Variants in SETD3 observed in about 807,000 individuals in gnomAD.
The protein encoded by SETD3 is actin-histidine N-methyltransferase.
In SETD3, 19 loss-of-function variants were observed where a neutral mutation model predicts 63.0. That is an observed-to-expected ratio of 0.30 (90% CI 0.21 to 0.44). The LOEUF (loss-of-function observed/expected upper bound fraction) is 0.44, where lower values mean the gene tolerates loss of function less well. Among genes scored for constraint, SETD3 ranks in the 20% least tolerant of loss-of-function variants. The pLI is 1.00. For missense variants in SETD3, 587 were observed against 728.5 expected, an observed-to-expected ratio of 0.81 and a Z score of 2.24; for synonymous variants, 286 against 264.1, an observed-to-expected ratio of 1.08 and a Z score of -0.80.
At chr14:99,409,705 T>C (rs1891872930) in intron 8 of SETD3, 1 of 149,342 alleles carries the variant, frequency 6.7e-6, no homozygotes, top group South Asian at 2.2e-4. Flanking sequence ...CAAATATGTA[T>C]TATATTGATT....
chr14:99,423,587 G>GAAAAA (rs1892704603), intron 6 of SETD3, among the ~76,000 whole-genome samples: 1 of 1,894 alleles, frequency 5.3e-4, no homozygotes, highest in African/African-American at 9.5e-4. Context: ...GCACTGTTAT[G>GAAAAA]CAAAAAAAAA....
At chr14:99,433,923 T>C (rs925066988) in intron 6 of SETD3, among the ~76,000 whole-genome samples, 2 of 151,942 alleles carry the variant, frequency 1.3e-5, no homozygotes, top group Non-Finnish European at 2.9e-5. Flanking sequence ...AATGAGGGAG[T>C]AGAGCAACTA....
intron 8 of SETD3, chr14:99,409,742 T>C (rs925609580): frequency 6.6e-6 from 1 of 152,624 alleles, no homozygotes; most frequent in Non-Finnish European, 1.5e-5. Context: ...GATAAAGTAA[T>C]ACAGGCTCAT....
At chr14:99,484,119 A>G (rs992489798), upstream of SETD3, among the ~76,000 whole-genome samples, 15 of 152,258 alleles carry the variant, frequency 9.9e-5, no homozygotes, top group African/African-American at 3.6e-4. Flanking sequence ...AAGTGGTTCT[A>G]GGATGTAACA....
chr14:99,399,130 A>T lies in SETD3; in HGVS notation c.1339-5T>A, dbSNP rs1891241063. 5.6e-6 allele frequency: 9 copies of T among 1,611,246 alleles called. No individual in the cohort carries two copies. The highest frequency in any genetic ancestry group is 1.3e-5 in the African/African-American group (1 of 74,678). On this transcript the variant is annotated splice_region_variant and splice_polypyrimidine_tract_variant and intron_variant, in intron 12 of 12. Transcript: ENST00000331768. ...TTTCAAGACGGATTTATCTTCCTGG[A>T]AAACAAGAGCAAAATTAATTACAAG...
chr14:99,422,305 T>C (rs1238482803), intron 6 of SETD3, among the ~76,000 whole-genome samples: 1 of 152,222 alleles, frequency 6.6e-6, no homozygotes, highest in African/African-American at 2.4e-5. Context: ...AATTCTATCA[T>C]TTTTCTGATA....
intron 6 of SETD3, among the ~76,000 whole-genome samples, chr14:99,439,234 A>G (rs1157494482): frequency 6.6e-6 from 1 of 152,216 alleles, no homozygotes; most frequent in Non-Finnish European, 1.5e-5. Flanking sequence ...TCTGAGAGGC[A>G]AAGGCTGCTC....
intron 6 of SETD3, among the ~76,000 whole-genome samples, chr14:99,416,748 G>C (rs576220285): frequency 6.6e-6 from 1 of 152,242 alleles, no homozygotes; most frequent in African/African-American, 2.4e-5. Flanking sequence ...AACTAGCCAC[G>C]GATTTTCTCC....
chr14:99,457,138 G>A (rs1399274745), intron 6 of SETD3, among the ~76,000 whole-genome samples: 2 of 152,200 alleles, frequency 1.3e-5, no homozygotes, highest in African/African-American at 4.8e-5. Flanking sequence ...AGGACTGCAG[G>A]TGCACACTAT....
At chr14:99,434,091 G>C (rs1893335938) in intron 6 of SETD3, among the ~76,000 whole-genome samples, 2 of 152,286 alleles carry the variant, frequency 1.3e-5, no homozygotes, top group South Asian at 4.1e-4. Context: ...ATGTCCACAA[G>C]AAGATAAACA....
rs1226344348 is a variant in SETD3, at chr14:99,398,327, A to C, written c.*352T>G. 3.7e-5 allele frequency: 7 copies of C among 191,166 alleles called. No homozygotes were observed. The highest frequency in any genetic ancestry group is 6.5e-5 in the Non-Finnish European group (6 of 91,900). The allele number at this position is 191,166 out of a possible 1,614,324, so 11.8% of individuals were successfully genotyped here. ...GGCAGAGCAAGCTTTCATTCTGGTC[A>C]TCAAGATGACAGGCCCACAAAAGTA... On this transcript the variant is annotated 3_prime_UTR_variant, in exon 13 of 13. Coordinates refer to ENST00000331768, the MANE Select transcript of SETD3 (RefSeq NM_032233.3).
chr14:99,410,550 T>A (rs2139635058), intron 8 of SETD3, among the ~76,000 whole-genome samples: 1 of 152,322 alleles, frequency 6.6e-6, no homozygotes, highest in South Asian at 2.1e-4. Flanking sequence ...ATCCTTGTCA[T>A]ATCAACCGAA....
chr14:99,418,658 G>T (rs1892407299), intron 6 of SETD3, among the ~76,000 whole-genome samples: 1 of 152,082 alleles, frequency 6.6e-6, no homozygotes, highest in African/African-American at 2.4e-5. Context: ...GAAAGCAGAG[G>T]TGCAAAAGAC....
chr14:99,467,523 A>T (rs1895455294), intron 1 of SETD3, among the ~76,000 whole-genome samples: 1 of 152,228 alleles, frequency 6.6e-6, no homozygotes, highest in Non-Finnish European at 1.5e-5. Flanking sequence ...GGACCATCGA[A>T]CTTGACCTGA....
At chr14:99,483,208 G>T (rs965453395), upstream of SETD3, among the ~76,000 whole-genome samples, 3 of 152,088 alleles carry the variant, frequency 2.0e-5, no homozygotes, top group Non-Finnish European at 4.4e-5. Flanking sequence ...ATGAGTACTT[G>T]GGAAAGGAGA....
chr14:99,468,735 T>C (rs1895534596), intron 1 of SETD3, among the ~76,000 whole-genome samples: 1 of 152,208 alleles, frequency 6.6e-6, no homozygotes, highest in Non-Finnish European at 1.5e-5. Flanking sequence ...CCTTAAAGTC[T>C]ACCTGGTCCC....
intron 6 of SETD3, among the ~76,000 whole-genome samples, chr14:99,423,633 C>T (rs897847009): frequency 4.4e-5 from 4 of 91,056 alleles, no homozygotes; most frequent in African/African-American, 7.6e-5. Flanking sequence ...ACTAAGATGC[C>T]ATCAGTACTT....
At position 99,410,281 on chromosome 14, in the gene SETD3, T is replaced by C. The variant is rs766284379; in HGVS notation, c.849+2670A>G. The C allele has an allele frequency of 8.1e-6, 13 of 1,611,268 alleles. No homozygotes were observed. In the East Asian group the frequency reaches 2.9e-4, roughly 36 times the overall value. On this transcript the variant is annotated intron_variant, in intron 8 of 12. Coordinates refer to ENST00000331768, the MANE Select transcript of SETD3 (RefSeq NM_032233.3). ...TGCACGGAGGGTGTGGGGGGACAGG[T>C]TGTTCGGAGAGACTTGTCTGCTATT...
chr14:99,437,365 T>C (rs1309204976), intron 6 of SETD3, among the ~76,000 whole-genome samples: 1 of 152,206 alleles, frequency 6.6e-6, no homozygotes, highest in African/African-American at 2.4e-5. Context: ...CAGGGGTCAG[T>C]GACCAGTGCC....
Sources: allele counts gnomAD v4.1 joint callset (sites outside exome capture counted in the v4.1 genomes callset), GRCh38; gene constraint gnomAD v4.1.1; transcripts MANE v1.5; gene names NCBI Gene and HGNC (gene_info 2026-07-23, HGNC 2026-07-21).